The following STAU2 variants were observed in gnomAD, a reference collection of about 807,000 sequenced individuals.
The protein encoded by STAU2 is staufen double-stranded RNA binding protein 2.
A neutral mutation model predicts 65.9 loss-of-function variants in STAU2; 20 were observed. The observed-to-expected ratio is 0.30, with a 90% CI of 0.21 to 0.44. The LOEUF (loss-of-function observed/expected upper bound fraction) is 0.44. Ranked by LOEUF, STAU2 falls within the 20% of genes least tolerant of loss-of-function variation. STAU2 has a pLI of 1.00. For missense variants in STAU2, 558 were observed against 683.9 expected, an observed-to-expected ratio of 0.82 and a Z score of 2.05; for synonymous variants, 232 against 233.9, an observed-to-expected ratio of 0.99 and a Z score of 0.07.
chr8:73,502,154 A>G (rs938575142), intron 13 of STAU2, among the ~76,000 whole-genome samples: 1 of 151,958 alleles, frequency 6.6e-6, no homozygotes, highest in Non-Finnish European at 1.5e-5. Flanking sequence ...TTATTACATC[A>G]TATTTTAGGA....
At chr8:73,471,091 G>T (rs550726756) in intron 13 of STAU2, among the ~76,000 whole-genome samples, 1 of 151,544 alleles carries the variant, frequency 6.6e-6, no homozygotes, top group African/African-American at 2.4e-5. Flanking sequence ...TAGTGAACTC[G>T]ATTTTCCAAG....
intron 13 of STAU2, chr8:73,551,323 TAA>T (rs1807320238): frequency 1.0e-6 from 1 of 987,306 alleles, no homozygotes; most frequent in Non-Finnish European, 1.2e-6. Flanking sequence ...CAAGTTAAGT[TAA>T]ACTATAAGCT....
intron 13 of STAU2, chr8:73,440,649 C>CCCCTGTGTGCAT (rs138243145): frequency 2.6e-5 from 4 of 151,606 alleles, no homozygotes; most frequent in East Asian, 1.9e-4. Context: ...CTAACTCGCA[C>CCCCTGTGTGCAT]CCCTGTGTGC....
At chr8:73,549,616 C>T (rs1454950823) in intron 13 of STAU2, 4 of 982,614 alleles carry the variant, frequency 4.1e-6, no homozygotes, top group Non-Finnish European at 4.8e-6. Flanking sequence ...TTTCAATACA[C>T]TCATATATTT....
At chr8:73,431,057 G>A (rs1292256614) in intron 13 of STAU2, among the ~76,000 whole-genome samples, 1 of 152,170 alleles carries the variant, frequency 6.6e-6, no homozygotes, top group African/African-American at 2.4e-5. Context: ...GGAGTTGTGG[G>A]AAGAAGGCAA....
At chr8:73,636,735 C>T (rs1365484887) in intron 6 of STAU2, among the ~76,000 whole-genome samples, 1 of 151,370 alleles carries the variant, frequency 6.6e-6, no homozygotes, top group African/African-American at 2.4e-5. Flanking sequence ...TGGTGGCACA[C>T]AGCTGTAATC....
intron 13 of STAU2, among the ~76,000 whole-genome samples, chr8:73,493,314 C>G (rs1821236475): frequency 6.6e-6 from 1 of 151,562 alleles, no homozygotes; most frequent in Admixed American, 6.6e-5. Flanking sequence ...CATGAAAACA[C>G]ATTGATAAGA....
At chr8:73,619,272 G>A (rs893743542) in intron 6 of STAU2, among the ~76,000 whole-genome samples, 1 of 152,024 alleles carries the variant, frequency 6.6e-6, no homozygotes, top group Non-Finnish European at 1.5e-5. Context: ...GCTACTAACA[G>A]GTCAAGTAAA....
chr8:73,493,408 A>G (rs918883185), intron 13 of STAU2, among the ~76,000 whole-genome samples: 19 of 151,798 alleles, frequency 1.3e-4, no homozygotes, highest in African/African-American at 4.6e-4. Context: ...GGGTTTGGAT[A>G]AGATATATAA....
chr8:73,662,788 G>A (rs1168800076), intron 6 of STAU2, among the ~76,000 whole-genome samples: 1 of 152,062 alleles, frequency 6.6e-6, no homozygotes, highest in African/African-American at 2.4e-5. Flanking sequence ...GGCTAATTTT[G>A]TATTTTTAGT....
rs529424627 is a variant in STAU2, at chr8:73,592,115, C to T, written c.1161+3051G>A. 9.3e-5 allele frequency among the ~76,000 whole-genome samples: 14 copies of T among 150,950 alleles called. No homozygotes were observed. The South Asian group carries it at 2.9e-3, about 32-fold the overall frequency. ...AACAAGTGAAGGATAAAATAAAGAG[C>T]AGAAATCAAAAAAACTGAAAATAGA... is the stretch of plus-strand genomic sequence containing the variant. On this transcript the variant is annotated intron_variant, in intron 11 of 14. Coordinates refer to ENST00000524300, the MANE Select transcript of STAU2 (RefSeq NM_001164380.2).
chr8:73,432,690 C>G (rs1817391438), intron 13 of STAU2, among the ~76,000 whole-genome samples: 4 of 152,100 alleles, frequency 2.6e-5, no homozygotes, highest in Admixed American at 2.6e-4. Flanking sequence ...TGAGTTAACC[C>G]ACTTGCTGCC....
chr8:73,653,646 T>G (rs1399342145), intron 6 of STAU2: 1 of 171,704 alleles, frequency 5.8e-6, no homozygotes, highest in Non-Finnish European at 1.2e-5. Context: ...TAAAAAACAG[T>G]GCGGTTCAAG....
Position 73,618,981 on chromosome 8 carries a change from GCT to G in STAU2, c.411-1532_411-1531del, listed in dbSNP as rs568401590. ...GGTTTGCTGGGGGTGGATTTCAACA[GCT>G]CTGTTTTGGGGATATTCAATTATTA... On this transcript the variant is annotated intron_variant, in intron 6 of 14. Coordinates refer to ENST00000524300, the MANE Select transcript of STAU2 (RefSeq NM_001164380.2). Among the ~76,000 whole-genome samples the G allele has an allele frequency of 6.8e-3, 1,033 of 152,266 alleles. 5 individuals carry two copies. Among genetic ancestry groups the G allele is most frequent in the Non-Finnish European group, 0.011 (778 of 68,016 alleles).
chr8:73,708,948 C>T lies in STAU2; in HGVS notation c.114+84G>A, dbSNP rs927987062. ...AAGCCATCTGCTGAACCCCCACTCC[C>T]CAAAATAAAGCACGATTAAAATCTG... On this transcript the variant is annotated intron_variant, in intron 4 of 14. Coordinates refer to ENST00000524300, the MANE Select transcript of STAU2 (RefSeq NM_001164380.2). 5.9e-6 allele frequency: 8 copies of T among 1,346,378 alleles called. No individual in the cohort carries two copies. The African/African-American group carries it at 8.9e-5, about 15-fold the overall frequency. 83.4% of individuals were successfully genotyped at this position (1,346,378 alleles called of 1,614,324 possible). A position where few individuals can be genotyped will look rare whatever the true frequency, so the allele number is the denominator to read the frequency against.
At chr8:73,458,010 A>C (rs1819161548) in intron 13 of STAU2, among the ~76,000 whole-genome samples, 1 of 152,200 alleles carries the variant, frequency 6.6e-6, no homozygotes, top group Non-Finnish European at 1.5e-5. Flanking sequence ...GGCAACATGG[A>C]AGTATTTCAA....
intron 5 of STAU2, among the ~76,000 whole-genome samples, chr8:73,677,322 A>G (rs748433479): frequency 2.0e-5 from 3 of 152,348 alleles, no homozygotes; most frequent in South Asian, 2.1e-4. Context: ...AAATACATTC[A>G]TAACTATGAC....
intron 13 of STAU2, among the ~76,000 whole-genome samples, chr8:73,488,216 A>G (rs950950459): frequency 6.6e-6 from 1 of 152,102 alleles, no homozygotes; most frequent in Non-Finnish European, 1.5e-5. Flanking sequence ...TTCAAATTCC[A>G]AATAAAATGA....
At chr8:73,556,237 CCA>C (rs144888416) in intron 12 of STAU2, among the ~76,000 whole-genome samples, 3,745 of 152,142 alleles carry the variant, frequency 0.025, 166 homozygotes, top group African/African-American at 0.084. Context: ...TAATTTATCT[CCA>C]GTTTTTTGCA....
Sources: allele counts gnomAD v4.1 joint callset (sites outside exome capture counted in the v4.1 genomes callset), GRCh38; gene constraint gnomAD v4.1.1; transcripts MANE v1.5; gene names NCBI Gene and HGNC (gene_info 2026-07-23, HGNC 2026-07-21).